LRRC61: variants seen among roughly 807,000 people sequenced by gnomAD.
LRRC61 encodes leucine rich repeat containing 61.
Under a neutral mutation model 15.1 loss-of-function variants are expected in LRRC61, and 9 were observed. That is an observed-to-expected ratio of 0.60 (90% CI 0.36 to 1.04). LRRC61 has a LOEUF of 1.04. Among genes scored for constraint, LRRC61 ranks in the 50% least tolerant of loss-of-function variants. The pLI, the probability that LRRC61 is intolerant of heterozygous loss-of-function variation, is 0.01. For synonymous variants in LRRC61, 173 were observed against 158.6 expected (o/e 1.09, Z -0.68); for missense variants, 344 against 335.6 (o/e 1.03, Z -0.20).
chr7:150,323,023 AG>A (rs1797716818), upstream of LRRC61: 1 of 152,448 alleles, frequency 6.6e-6, no homozygotes, highest in Non-Finnish European at 1.5e-5. Context: ...CGAGTCCGGG[AG>A]GAAATCTAGG....
chr7:150,312,453 C>T, the LRRC61 span, among the ~76,000 whole-genome samples: 1 of 152,194 alleles, frequency 6.6e-6, no homozygotes, highest in African/African-American at 2.4e-5. Flanking sequence ...ATATGACAGA[C>T]AATGGGGACA....
At chr7:150,334,082 A>C in intron 2 of LRRC61, 1 of 985,278 alleles carries the variant, frequency 1.0e-6, no homozygotes, top group Non-Finnish European at 1.2e-6. Flanking sequence ...TCTGTAAACC[A>C]TGTTCCTGGT....
At chr7:150,324,527 A>G (rs1797873765) in intron 1 of LRRC61, 1 of 152,254 alleles carries the variant, frequency 6.6e-6, no homozygotes, top group African/African-American at 2.4e-5. Flanking sequence ...GCCTTTACAG[A>G]TGTACGGCTC....
chr7:150,319,155 G>A (rs1797229866), upstream of LRRC61, among the ~76,000 whole-genome samples: 2 of 151,940 alleles, frequency 1.3e-5, no homozygotes, highest in South Asian at 2.1e-4. Flanking sequence ...GTTCCAAGTC[G>A]AGTGACTCTG....
rs1797952435 is a variant in LRRC61 at position 150,325,981 on chromosome 7, G to A, written c.-174G>A. On this transcript the variant is annotated 5_prime_UTR_variant, in exon 2 of 3. Coordinates refer to ENST00000359623, the MANE Select transcript of LRRC61 (RefSeq NM_001142928.2). ...CCAGATCTACCTGACGGGCCTGCGA[G>A]GGTTGAAGATTGTGAAGCAATAGCC... The A allele has an allele frequency of 6.6e-6, 1 of 152,634 alleles. No homozygotes were observed. The highest frequency in any genetic ancestry group is 1.5e-5 in the Non-Finnish European group (1 of 68,044). 9.5% of individuals were successfully genotyped at this position (152,634 alleles called of 1,614,324 possible). A position where few individuals can be genotyped will look rare whatever the true frequency, so the allele number is the denominator to read the frequency against.
Position 150,329,078 on chromosome 7 carries a change from G to A in LRRC61, c.-145+3068G>A, listed in dbSNP as rs568408051. On this transcript the variant is annotated intron_variant, in intron 2 of 2. Transcript: ENST00000359623. ...TAGTCTCCCGTGAAACATTTTCAAGGTCGGGGGGTTTCAGGAGGACACTGT... is the reference window on the plus strand; with the variant it reads ...TAGTCTCCCGTGAAACATTTTCAAGATCGGGGGGTTTCAGGAGGACACTGT... 3.3e-5 allele frequency among the ~76,000 whole-genome samples: 5 copies of A among 152,326 alleles called. 1 individual carries two copies. In the East Asian group the frequency reaches 7.7e-4, roughly 23 times the overall value.
chr7:150,315,830 C>CT, the LRRC61 span, among the ~76,000 whole-genome samples: 78 of 148,896 alleles, frequency 5.2e-4, 1 homozygote, highest in South Asian at 8.5e-4. Flanking sequence ...CAACACTATA[C>CT]TTTTTTTTTT....
At chr7:150,328,004 G>A (rs1797999057) in intron 2 of LRRC61, among the ~76,000 whole-genome samples, 1 of 152,156 alleles carries the variant, frequency 6.6e-6, no homozygotes, top group Non-Finnish European at 1.5e-5. Context: ...AGTGTCTTAA[G>A]TGTTTGGGGT....
chr7:150,330,766 G>A lies in LRRC61; in HGVS notation c.-145+4756G>A. On this transcript the variant is annotated intron_variant, in intron 2 of 2. Coordinates refer to ENST00000359623, the MANE Select transcript of LRRC61 (RefSeq NM_001142928.2). The surrounding 1 kb of genome is among the most constrained non-coding windows in gnomAD (Gnocchi z 4.6). The stretch of plus-strand genomic sequence containing the variant: ...TCTGAATACTCTTTGAACTCCCCAA[G>A]TCCCCTGCAAAGCCCCAGGGGTCTG... 1 of 1,613,840 alleles carries A rather than the reference G, an allele frequency of 6.2e-7. No homozygotes were observed. The highest frequency in any genetic ancestry group is 1.7e-5 in the Admixed American group (1 of 60,028).
At chr7:150,314,086 C>A in the LRRC61 span, among the ~76,000 whole-genome samples, 2 of 152,320 alleles carry the variant, frequency 1.3e-5, no homozygotes, top group African/African-American at 4.8e-5. Context: ...CCAGGTCACT[C>A]ATGCTAAGCT....
intron 2 of LRRC61, chr7:150,328,800 C>A (rs1798021717): frequency 1.3e-5 from 2 of 152,232 alleles, no homozygotes; most frequent in Non-Finnish European, 2.9e-5. Flanking sequence ...AGGATGGGTA[C>A]AGGGGCACTG....
chr7:150,317,706 TGAG>T, the LRRC61 span, among the ~76,000 whole-genome samples: 1 of 152,114 alleles, frequency 6.6e-6, no homozygotes, highest in East Asian at 1.9e-4. Flanking sequence ...TCTTTGAGGT[TGAG>T]GTGGATATAT....
chr7:150,316,239 T>A, the LRRC61 span, among the ~76,000 whole-genome samples: 2 of 152,202 alleles, frequency 1.3e-5, no homozygotes, highest in African/African-American at 4.8e-5. Flanking sequence ...TAATATTCCA[T>A]CATGTGGATG....
In LRRC61 at chr7:150,333,699, G is replaced by C. The variant is rs1373516518; in HGVS notation, c.-144-3019G>C. Among the ~76,000 whole-genome samples the C allele has an allele frequency of 6.6e-6, 1 of 152,234 alleles. No individual in the cohort carries two copies. Among genetic ancestry groups the C allele is most frequent in the Non-Finnish European group, 1.5e-5 (1 of 68,048 alleles). ...TCTGTTGCTGGGCCAGGAGGTCTCT[G>C]TTCCCTTCATTTCCATAGTTAGGAC... On this transcript the variant is annotated intron_variant, in intron 2 of 2. Transcript: ENST00000359623. The surrounding 1 kb of genome is among the most constrained non-coding windows in gnomAD (Gnocchi z 4.3).
the LRRC61 span, among the ~76,000 whole-genome samples, chr7:150,313,185 ACT>A: frequency 1.3e-5 from 2 of 152,036 alleles, no homozygotes; most frequent in African/African-American, 4.8e-5. Context: ...CCCTTCGCTG[ACT>A]CTCTTTTCAG....
chr7:150,317,499 T>C, the LRRC61 span, among the ~76,000 whole-genome samples: 2 of 152,244 alleles, frequency 1.3e-5, no homozygotes, highest in Non-Finnish European at 1.5e-5. Context: ...TTCTCACTTA[T>C]GCAATCAAGT....
Position 150,337,614 on chromosome 7 carries a change from G to A in LRRC61, c.753G>A (p.Ala251=), listed in dbSNP as rs149223172. Residue 251 remains alanine, a synonymous_variant, in exon 3 of 3, where the codon GCG becomes GCA. Transcript: ENST00000359623. ...LAQAEQVLSS[A]GPTSSFVF ...AGGCGGAGCAGGTACTCAGCTCTGCGGGCCCCACCTCTTCCTTCGTCTTCT... is the reference window on the plus strand; with the variant it reads ...AGGCGGAGCAGGTACTCAGCTCTGCAGGCCCCACCTCTTCCTTCGTCTTCT... 4,905 of 1,534,240 alleles carry A rather than the reference G, an allele frequency of 3.2e-3. 38 individuals carry two copies. The highest frequency in any genetic ancestry group is 0.015 in the South Asian group (1,161 of 78,704).
At position 150,330,739 on chromosome 7, in the gene LRRC61, T is replaced by C; in HGVS notation, c.-145+4729T>C. 6.2e-7 allele frequency: 1 copy of C among 1,605,712 alleles called. No individual in the cohort carries two copies. The highest frequency in any genetic ancestry group is 2.2e-5 in the East Asian group (1 of 44,808). On this transcript the variant is annotated intron_variant, in intron 2 of 2. Transcript: ENST00000359623. This position sits in a 1 kb window ranked among gnomAD's most constrained non-coding sequence, Gnocchi z 4.6. Reference sequence around the variant, plus strand: ...GTGTACAAGGTGAAGGAGATTAGAGTGTCTGAATACTCTTTGAACTCCCCA... The same window carrying C: ...GTGTACAAGGTGAAGGAGATTAGAGCGTCTGAATACTCTTTGAACTCCCCA...
rs540741926 is a variant in LRRC61, at chr7:150,335,212, G to C, written c.-144-1506G>C. 3.3e-5 allele frequency among the ~76,000 whole-genome samples: 5 copies of C among 152,226 alleles called. No individual in the cohort carries two copies. The highest frequency in any genetic ancestry group is 1.2e-4 in the African/African-American group (5 of 41,530). On this transcript the variant is annotated intron_variant, in intron 2 of 2. Transcript: ENST00000359623. The surrounding 1 kb of genome is among the most constrained non-coding windows in gnomAD (Gnocchi z 4.3). ...CTGGTGCTCCTCCTGCACCCCCCAC[G>C]TTAGGGGCCAGAGCAGCTTTAATCA...
Sources: gnomAD v4.1 joint callset for allele counts (sites outside exome capture counted in the v4.1 genomes callset) on GRCh38, gnomAD v4.1.1 for gene constraint, Gnocchi (gnomAD v3.1) non-coding constraint, MANE v1.5 for transcripts, NCBI Gene and HGNC (gene_info 2026-07-23, HGNC 2026-07-21) for gene names.